Variants in TMEM165 observed in about 807,000 individuals in gnomAD.
TMEM165 encodes the protein putative divalent cation/proton antiporter TMEM165.
TMEM165 carries 19 observed loss-of-function variants against 30.0 expected under a neutral mutation model. That is an observed-to-expected ratio of 0.63 (90% CI 0.44 to 0.93). The LOEUF (loss-of-function observed/expected upper bound fraction) is 0.93. Among genes scored for constraint, TMEM165 ranks in the 40% least tolerant of loss-of-function variants. The probability of loss-of-function intolerance (pLI) is 0.00; values close to 1 mark genes in which losing one functional copy is unlikely to be tolerated. For missense variants in TMEM165, 340 were observed against 417.0 expected (o/e 0.82, Z 1.61); for synonymous variants, 168 against 162.9 (o/e 1.03, Z -0.24).
chr4:55,400,281 T>TTATATATTA (rs1720918386), intron 1 of TMEM165, among the ~76,000 whole-genome samples: 1 of 95,182 alleles, frequency 1.1e-5, no homozygotes. Flanking sequence ...TAATATAATA[T>TTATATATTA]TATATATTAT....
chr4:55,448,774 A>C (rs1421483246), intron 3 of TMEM165: 3 of 1,612,482 alleles, frequency 1.9e-6, no homozygotes, highest in Admixed American at 1.7e-5. Flanking sequence ...AAAACCAAAA[A>C]GTACCTGGGA....
At position 55,396,233 on chromosome 4, in the gene TMEM165, G is replaced by A; in HGVS notation, c.44G>A (p.Arg15Gln). ...APGNGRASAP[R>Q]LLLLFLVPLL... ...GGGAACGGCCGCGCATCGGCGCCCC[G>A]GCTGCTTCTGCTCTTTCTGGTTCCG... Residue 15 changes from arginine to glutamine, a missense_variant, in exon 1 of 6, where the codon CGG becomes CAG. Physicochemically the swap from Arg to Gln is conservative, Grantham distance 43. Transcript: ENST00000381334. The A allele has an allele frequency of 1.4e-6, 2 of 1,477,270 alleles. No individual in the cohort carries two copies. The highest frequency in any genetic ancestry group is 1.5e-5 in the African/African-American group (1 of 68,622). 91.5% of individuals were successfully genotyped at this position (1,477,270 alleles called of 1,614,324 possible).
chr4:55,443,922 A>ATT (rs1184907990), intron 3 of TMEM165: 1 of 1,596,102 alleles, frequency 6.3e-7, no homozygotes, highest in East Asian at 2.2e-5. Context: ...TTATGTTAAA[A>ATT]TGAGCTTTGT....
intron 3 of TMEM165, among the ~76,000 whole-genome samples, chr4:55,440,049 T>TC (rs1723231471): frequency 6.6e-6 from 1 of 152,016 alleles, no homozygotes; most frequent in Non-Finnish European, 1.5e-5. Context: ...AAAACCTTTT[T>TC]CTTTTTATAA....
At chr4:55,453,183 C>G (rs11240) in exon 4 of TMEM165, 367,351 of 1,355,770 alleles carry the variant, frequency 0.27, 51,640 homozygotes, top group South Asian at 0.36. Context: ...GTTTAAAATA[C>G]TGCACAGCTG....
chr4:55,402,403 G>GTATATATATATA (rs869107499), intron 1 of TMEM165, among the ~76,000 whole-genome samples: 11 of 48,162 alleles, frequency 2.3e-4, no homozygotes, highest in East Asian at 8.5e-4. Context: ...GTGTGTGTGT[G>GTATATATATATA]TATATATATA....
chr4:55,422,907 A>G (rs1468723967), intron 4 of TMEM165, among the ~76,000 whole-genome samples: 1 of 152,108 alleles, frequency 6.6e-6, no homozygotes, highest in East Asian at 1.9e-4. Flanking sequence ...AAGTGCTGGC[A>G]TTACAGGCGT....
Position 55,417,785 on chromosome 4 carries a change from GT to G in TMEM165, c.610-15del. 2 of 1,571,192 alleles carry G rather than the reference GT, an allele frequency of 1.3e-6. No individual in the cohort carries two copies. Among genetic ancestry groups the G allele is most frequent in the South Asian group, 1.2e-5 (1 of 84,016 alleles). On this transcript the variant is annotated splice_polypyrimidine_tract_variant and intron_variant, in intron 3 of 5. Coordinates refer to ENST00000381334, the MANE Select transcript of TMEM165 (RefSeq NM_018475.5). ...TTGCTTCCTGTGCTTACTTTCATTT[GT>G]TTATTATTTATTTTAGTTTCAACGA...
At chr4:55,418,506 AG>A (rs1007782441) in intron 4 of TMEM165, among the ~76,000 whole-genome samples, 3 of 151,522 alleles carry the variant, frequency 2.0e-5, no homozygotes, top group African/African-American at 7.3e-5. Context: ...CCTTGGTGAC[AG>A]GGAGACCCAG....
intron 3 of TMEM165, chr4:55,435,617 A>C: frequency 6.2e-7 from 1 of 1,612,756 alleles, no homozygotes; most frequent in East Asian, 2.2e-5. Flanking sequence ...TGGATTATGC[A>C]GCATTGCTTT....
chr4:55,399,820 C>A (rs1416778399), intron 1 of TMEM165, among the ~76,000 whole-genome samples: 1 of 151,976 alleles, frequency 6.6e-6, no homozygotes, highest in Non-Finnish European at 1.5e-5. Context: ...CCTGCCTCAG[C>A]CTTCTGAGTA....
Position 55,445,582 on chromosome 4 carries a change from C to CTTTTTTTTTTTTTTTTTTTTTTTT in TMEM165, c.409-6654_409-6631dup, listed in dbSNP as rs56157186. Among the ~76,000 whole-genome samples the CTTTTTTTTTTTTTTTTTTTTTTTT allele has an allele frequency of 9.3e-4, 64 of 68,594 alleles. 11 individuals are homozygous for CTTTTTTTTTTTTTTTTTTTTTTTT. The highest frequency in any genetic ancestry group is 1.1e-3 in the Non-Finnish European group (42 of 36,620). 45.0% of individuals were successfully genotyped at this position (68,594 alleles called of 152,430 possible). ...TCTCTGCATCTGCTATTTCTATATT[C>CTTTTTTTTTTTTTTTTTTTTTTTT]TTTTTTTTTTTTTTTTTTTTTTTTT... On this transcript the variant is annotated intron_variant, in intron 3 of 3. Coordinates refer to the TMEM165 transcript ENST00000608091.
intron 1 of TMEM165, among the ~76,000 whole-genome samples, chr4:55,409,399 GTTTCTT>G (rs1721395685): frequency 6.6e-6 from 1 of 152,082 alleles, no homozygotes; most frequent in South Asian, 2.1e-4. Context: ...ATGTTCTTGG[GTTTCTT>G]TTTCTTTATC....
intron 3 of TMEM165, chr4:55,442,365 T>A (rs1723439159): frequency 7.2e-7 from 1 of 1,383,908 alleles, no homozygotes; most frequent in Non-Finnish European, 1.0e-6. Context: ...GATTAAGAAA[T>A]CAAATTATTG....
chr4:55,403,494 T>TTC (rs1444035604), intron 1 of TMEM165, among the ~76,000 whole-genome samples: 3 of 144,734 alleles, frequency 2.1e-5, no homozygotes, highest in East Asian at 2.0e-4. Flanking sequence ...GCCTTTTTCT[T>TTC]TTTCTTTTTT....
chr4:55,427,329 C>A (rs1014776143), downstream of TMEM165, among the ~76,000 whole-genome samples: 1 of 150,228 alleles, frequency 6.7e-6, no homozygotes, highest in Admixed American at 6.6e-5. Flanking sequence ...AGCCACCATG[C>A]TTGGCCTACT....
chr4:55,428,837 C>T (rs1054940584), downstream of TMEM165: 4 of 149,042 alleles, frequency 2.7e-5, no homozygotes, highest in African/African-American at 7.4e-5. Flanking sequence ...CTGAATTTAA[C>T]TCATCTTTGG....
At chr4:55,450,931 G>C (rs1724385813) in intron 3 of TMEM165, among the ~76,000 whole-genome samples, 1 of 151,990 alleles carries the variant, frequency 6.6e-6, no homozygotes. Flanking sequence ...CCAGGAGCTA[G>C]AGTTTCATAG....
At chr4:55,408,148 A>G (rs903788156) in intron 1 of TMEM165, among the ~76,000 whole-genome samples, 4 of 152,206 alleles carry the variant, frequency 2.6e-5, no homozygotes, top group African/African-American at 7.2e-5. Flanking sequence ...AAGATCTTCT[A>G]TCTTCACGGT....
Sources: gnomAD v4.1 joint callset for allele counts (sites outside exome capture counted in the v4.1 genomes callset) on GRCh38, gnomAD v4.1.1 for gene constraint, MANE v1.5 for transcripts, NCBI Gene and HGNC (gene_info 2026-07-23, HGNC 2026-07-21) for gene names.